Variants in TRIM5 observed in about 807,000 individuals in gnomAD.
TRIM5 encodes tripartite motif containing 5, also known as tripartite motif-containing protein 5.
A neutral mutation model predicts 35.6 loss-of-function variants in TRIM5; 31 were observed. The observed-to-expected ratio is 0.87, with a 90% confidence interval of 0.65 to 1.18. TRIM5 has a LOEUF of 1.18. Ranked by LOEUF, TRIM5 falls within the 50% of genes most tolerant of loss-of-function variation. TRIM5 has a pLI of 0.00. For missense variants in TRIM5, 609 were observed against 591.6 expected, an observed-to-expected ratio of 1.03 and a Z score of -0.31; for synonymous variants, 243 against 215.6, an observed-to-expected ratio of 1.13 and a Z score of -1.11.
At chr11:5,610,495 T>C in the TRIM5 span, 1 of 1,614,006 alleles carries the variant, frequency 6.2e-7, no homozygotes, top group Non-Finnish European at 8.5e-7. Context: ...ATGAGACAGT[T>C]GGTCCTATTC....
the TRIM5 span, among the ~76,000 whole-genome samples, chr11:5,656,260 C>G: frequency 1.3e-5 from 2 of 151,618 alleles, no homozygotes; most frequent in African/African-American, 4.8e-5. Context: ...ATCTACCTGA[C>G]AAAGGGCTAA....
chr11:5,639,818 G>A, the TRIM5 span, among the ~76,000 whole-genome samples: 2 of 150,330 alleles, frequency 1.3e-5, no homozygotes, highest in Middle Eastern at 3.4e-3. Context: ...TTCCAATATA[G>A]AAGCTTTTTT....
At chr11:5,652,995 G>C in the TRIM5 span, among the ~76,000 whole-genome samples, 2 of 151,988 alleles carry the variant, frequency 1.3e-5, no homozygotes, top group African/African-American at 4.8e-5. Context: ...TGGGACTACA[G>C]GTGCCCACCA....
chr11:5,613,647 T>C, the TRIM5 span, among the ~76,000 whole-genome samples: 1 of 152,174 alleles, frequency 6.6e-6, no homozygotes, highest in African/African-American at 2.4e-5. Flanking sequence ...TCCCATATAA[T>C]AAGTAAGTTC....
At chr11:5,602,256 C>T in the TRIM5 span, among the ~76,000 whole-genome samples, 11 of 150,022 alleles carry the variant, frequency 7.3e-5, no homozygotes, top group South Asian at 2.1e-4. Context: ...CTGGCTAACA[C>T]AGTGAAACCT....
At chr11:5,667,804 G>T in intron 4 of TRIM5, 93 bp from the exon 5 acceptor site, 2 of 1,384,124 alleles carry the variant, frequency 1.4e-6, no homozygotes, top group Non-Finnish European at 2.0e-6. Flanking sequence ...CTAATGTGCT[G>T]AGAATGGAGA....
At chr11:5,671,957 G>C (rs1007398539) in intron 4 of TRIM5, among the ~76,000 whole-genome samples, 2 of 151,878 alleles carry the variant, frequency 1.3e-5, no homozygotes, top group African/African-American at 4.8e-5. Context: ...TCAAGGCAAA[G>C]AAAAAACTAA....
chr11:5,667,688 C>G lies in TRIM5; in HGVS notation c.767+1G>C, dbSNP rs1179115120. 6.2e-7 allele frequency: 1 copy of G among 1,613,676 alleles called. No individual in the cohort carries two copies. The highest frequency in any genetic ancestry group is 8.5e-7 in the Non-Finnish European group (1 of 1,179,836). On this transcript the variant is annotated splice_donor_variant, in intron 5 of 7. Transcript: ENST00000380034. LOFTEE classifies it high-confidence loss of function. ...GACCATCTCTGTCCTCCCACACATA[C>G]CTTTTTATGACGCCATCCACACCCT...
the TRIM5 span, chr11:5,589,819 C>T: frequency 3.9e-4 from 60 of 154,076 alleles, 1 homozygote; most frequent in South Asian, 0.011. Flanking sequence ...ACTGTGGGAG[C>T]CCCTTTCTGG....
the TRIM5 span, among the ~76,000 whole-genome samples, chr11:5,624,663 A>G: frequency 2.6e-5 from 4 of 152,226 alleles, no homozygotes; most frequent in African/African-American, 2.4e-5. Flanking sequence ...GAACTGTCCC[A>G]TACATTGTAG....
At chr11:5,611,253 T>G in the TRIM5 span, 13 of 1,614,098 alleles carry the variant, frequency 8.1e-6, no homozygotes, top group African/African-American at 1.3e-4. Flanking sequence ...CTACACTTTC[T>G]CTAAATATTA....
the TRIM5 span, among the ~76,000 whole-genome samples, chr11:5,600,369 A>G: frequency 6.6e-6 from 1 of 152,164 alleles, no homozygotes; most frequent in Admixed American, 6.5e-5. Flanking sequence ...CTTTCTGTAG[A>G]TATTTGCTGT....
intron 1 of TRIM5, among the ~76,000 whole-genome samples, chr11:5,683,472 C>T (rs542793741): frequency 5.3e-5 from 8 of 151,960 alleles, no homozygotes; most frequent in African/African-American, 1.7e-4. Context: ...ATGCACCAAT[C>T]GACACTCTAT....
Position 5,665,319 on chromosome 11 carries a change from T to C in TRIM5, c.972A>G (p.Lys324=), listed in dbSNP as rs1851048010. 1 of 1,613,994 alleles carries C rather than the reference T, an allele frequency of 6.2e-7. No homozygotes were observed. Among genetic ancestry groups the C allele is most frequent in the Admixed American group, 1.7e-5 (1 of 59,978 alleles). The change falls in exon 8 of 8, where the codon AAA becomes AAG. Residue 324 remains lysine (K), a synonymous_variant. Transcript: ENST00000380034. ...CTCGTGCCCCATATATTATCTGTGG[T>C]TTCGGAGAGCTCACTTGTCTCTTAT... ...SEDKRQVSSP[K]PQIIYGARGT...
the TRIM5 span, chr11:5,596,740 CG>C: frequency 1.1e-5 from 12 of 1,142,776 alleles, no homozygotes; most frequent in South Asian, 1.6e-4. Context: ...TTTCTCGGAA[CG>C]GAACGGAGCA....
chr11:5,668,695 C>T (rs969029693), intron 4 of TRIM5, among the ~76,000 whole-genome samples: 15 of 152,150 alleles, frequency 9.9e-5, no homozygotes, highest in Non-Finnish European at 1.8e-4. Flanking sequence ...AGTGATCCAC[C>T]TGCCTTGGCC....
chr11:5,646,035 ATAAATATAT>A, the TRIM5 span, among the ~76,000 whole-genome samples: 16,818 of 145,208 alleles, frequency 0.12, 1,280 homozygotes, highest in East Asian at 0.37. Flanking sequence ...TATAGTACAC[ATAAATATAT>A]TAGATTATAT....
rs752803589 is a variant in TRIM5, at chr11:5,664,837, G to C, written c.1454C>G (p.Pro485Arg). 7 of 1,606,710 alleles carry C rather than the reference G, an allele frequency of 4.4e-6. No individual in the cohort carries two copies. In the Admixed American group the frequency reaches 8.4e-5, roughly 19 times the overall value. Residue 485 changes from proline to arginine, a missense_variant, in exon 8 of 8, where the codon CCC becomes CGC. Coordinates refer to ENST00000380034, the MANE Select transcript of TRIM5 (RefSeq NM_033034.3). ...PYLNPRKCGV[P>R]MTLCSPSS ...AGAGCTTGGTGAGCACAGAGTCATGGGGACTCCACATTTTCTAGGATTTAA... is the reference window on the plus strand; with the variant it reads ...AGAGCTTGGTGAGCACAGAGTCATGCGGACTCCACATTTTCTAGGATTTAA...
the TRIM5 span, among the ~76,000 whole-genome samples, chr11:5,652,264 C>T: frequency 7.6e-4 from 115 of 152,148 alleles, no homozygotes; most frequent in Admixed American, 1.8e-3. Context: ...AATGGTATTA[C>T]CTAGGTAATC....
Sources: gnomAD v4.1 joint callset for allele counts (sites outside exome capture counted in the v4.1 genomes callset) on GRCh38, gnomAD v4.1.1 for gene constraint, MANE v1.5 for transcripts, NCBI Gene and HGNC (gene_info 2026-07-23, HGNC 2026-07-21) for gene names.